The following ANTXR1 variants were observed in gnomAD, a reference collection of about 807,000 sequenced individuals.
The protein encoded by ANTXR1 is anthrax toxin receptor 1.
Under a neutral mutation model 78.1 loss-of-function variants are expected in ANTXR1, and 19 were observed. The ratio of observed to expected loss-of-function variants is 0.24; its 90% CI spans 0.17 to 0.36. ANTXR1 has a LOEUF of 0.36. ANTXR1 is among the 10% of genes least tolerant of loss of function. ANTXR1 has a pLI of 1.00. For missense variants in ANTXR1, 518 were observed against 718.6 expected, an observed-to-expected ratio of 0.72 and a Z score of 3.19; for synonymous variants, 273 against 260.5, an observed-to-expected ratio of 1.05 and a Z score of -0.46.
intron 13 of ANTXR1, among the ~76,000 whole-genome samples, chr2:69,158,838 A>C (rs1339171530): frequency 6.6e-6 from 1 of 152,240 alleles, no homozygotes; most frequent in South Asian, 2.1e-4. Flanking sequence ...TGACATGTTC[A>C]GCTTACAATG....
chr2:69,062,308 T>C (rs1025459404), intron 3 of ANTXR1, among the ~76,000 whole-genome samples: 3 of 152,054 alleles, frequency 2.0e-5, no homozygotes, highest in African/African-American at 7.2e-5. Context: ...GCCTGCAGAG[T>C]AGAGATAAAT....
intron 17 of ANTXR1, among the ~76,000 whole-genome samples, chr2:69,234,342 T>C (rs1231678724): frequency 6.6e-6 from 1 of 152,242 alleles, no homozygotes; most frequent in Non-Finnish European, 1.5e-5. Flanking sequence ...TAACAAATGG[T>C]ATTTCTAAGT....
chr2:69,088,767 A>C (rs1671135762), intron 8 of ANTXR1, among the ~76,000 whole-genome samples: 1 of 152,202 alleles, frequency 6.6e-6, no homozygotes, highest in Non-Finnish European at 1.5e-5. Flanking sequence ...GATCAACCAT[A>C]AGGCACTGGG....
intron 12 of ANTXR1, among the ~76,000 whole-genome samples, chr2:69,149,846 T>C (rs947252074): frequency 2.0e-5 from 3 of 152,190 alleles, no homozygotes; most frequent in Non-Finnish European, 4.4e-5. Flanking sequence ...AGCCCTAAGT[T>C]TGGAGAAAAC....
At chr2:69,238,439 T>C (rs781377457) in intron 17 of ANTXR1, among the ~76,000 whole-genome samples, 1 of 152,272 alleles carries the variant, frequency 6.6e-6, no homozygotes, top group Middle Eastern at 3.4e-3. Flanking sequence ...AATTAACAAA[T>C]GAAGAGAATC....
chr2:69,243,926 C>A (rs1445850010), intron 17 of ANTXR1, among the ~76,000 whole-genome samples: 1 of 152,186 alleles, frequency 6.6e-6, no homozygotes, highest in Non-Finnish European at 1.5e-5. Flanking sequence ...CAATAAGATA[C>A]CCCACAGGCA....
intron 12 of ANTXR1, among the ~76,000 whole-genome samples, chr2:69,138,006 C>T (rs190383429): frequency 6.6e-6 from 1 of 150,906 alleles, no homozygotes; most frequent in African/African-American, 2.4e-5. Flanking sequence ...ATTGCTAGAA[C>T]CCGGGAGGCG....
intron 12 of ANTXR1, among the ~76,000 whole-genome samples, chr2:69,131,725 T>C (rs34436856): frequency 0.15 from 22,373 of 152,118 alleles, 1,856 homozygotes; most frequent in East Asian, 0.42. Context: ...TGATGGCACC[T>C]ACTGGCAGGA....
At chr2:69,103,280 C>T (rs144671995) in intron 10 of ANTXR1, 5 of 380,752 alleles carry the variant, frequency 1.3e-5, no homozygotes, top group East Asian at 1.3e-4. Flanking sequence ...TGCCATCTAC[C>T]GAGTGGCTCA....
chr2:69,084,879 G>A (rs1448508690), intron 8 of ANTXR1, among the ~76,000 whole-genome samples: 1 of 130,552 alleles, frequency 7.7e-6, no homozygotes, highest in Non-Finnish European at 1.6e-5. Context: ...TTGAGGCAGA[G>A]TCTCGCTCTG....
chr2:69,110,011 G>C (rs1264748332), intron 10 of ANTXR1, among the ~76,000 whole-genome samples: 1 of 152,002 alleles, frequency 6.6e-6, no homozygotes, highest in African/African-American at 2.4e-5. Context: ...GATATGCAAA[G>C]GAAATTTTTA....
chr2:69,144,561 G>A (rs1026562245), intron 12 of ANTXR1, among the ~76,000 whole-genome samples: 7 of 152,208 alleles, frequency 4.6e-5, no homozygotes, highest in Admixed American at 3.3e-4. Flanking sequence ...CAGGTGCCCC[G>A]TGGAGGGGAG....
chr2:69,084,189 T>C (rs958235478), intron 8 of ANTXR1, among the ~76,000 whole-genome samples: 2 of 152,218 alleles, frequency 1.3e-5, no homozygotes, highest in African/African-American at 4.8e-5. Context: ...CACTCACTTT[T>C]CCAGTCTGCT....
At chr2:69,150,470 C>T (rs13395835) in intron 12 of ANTXR1, among the ~76,000 whole-genome samples, 1 of 151,992 alleles carries the variant, frequency 6.6e-6, no homozygotes, top group Non-Finnish European at 1.5e-5. Context: ...TGGGAAGCCC[C>T]CAGATACAGA....
chr2:69,045,609 G>T (rs1415262142), intron 3 of ANTXR1, among the ~76,000 whole-genome samples: 100 of 152,216 alleles, frequency 6.6e-4, no homozygotes, highest in Non-Finnish European at 1.2e-4. Context: ...TACAGGGGGG[G>T]CAGGAAGACT....
At chr2:69,095,093 A>G (rs1443044228) in intron 9 of ANTXR1, among the ~76,000 whole-genome samples, 1 of 152,248 alleles carries the variant, frequency 6.6e-6, no homozygotes, top group East Asian at 1.9e-4. Context: ...TAAGAATGGT[A>G]TTGACAAAGG....
At chr2:69,193,459 T>TCTCTCTCTCACACA (rs57847359) in intron 17 of ANTXR1, 44 bp downstream of exon 17, 1 of 1,044,080 alleles carries the variant, frequency 9.6e-7, no homozygotes, top group Admixed American at 1.8e-5. Flanking sequence ...TCTCTCTCTC[T>TCTCTCTCTCACACA]CACATACACA....
intron 12 of ANTXR1, 84 bp downstream of exon 12, chr2:69,124,727 G>A: frequency 1.3e-6 from 2 of 1,506,534 alleles, no homozygotes; most frequent in Non-Finnish European, 9.2e-7. Context: ...TTCTCCAAAG[G>A]TACCCTGGAA....
intron 9 of ANTXR1, among the ~76,000 whole-genome samples, chr2:69,095,479 G>A (rs1008319384): frequency 1.3e-5 from 2 of 152,240 alleles, no homozygotes; most frequent in Non-Finnish European, 2.9e-5. Context: ...CCTGTGCGAT[G>A]AGGAAATACT....
Sources: gnomAD v4.1 joint callset for allele counts (sites outside exome capture counted in the v4.1 genomes callset) on GRCh38, gnomAD v4.1.1 for gene constraint, MANE v1.5 for transcripts, NCBI Gene and HGNC (gene_info 2026-07-23, HGNC 2026-07-21) for gene names.